SNTG2: variants seen among roughly 807,000 people sequenced by gnomAD.
SNTG2 encodes gamma-2-syntrophin.
A neutral mutation model predicts 70.9 loss-of-function variants in SNTG2; 74 were observed. That is an observed-to-expected ratio of 1.04 (90% CI 0.86 to 1.27). SNTG2 has a LOEUF of 1.27. SNTG2 is among the 50% of genes most tolerant of loss of function. The pLI, the probability that SNTG2 is intolerant of heterozygous loss-of-function variation, is 0.00. For missense variants in SNTG2, 717 were observed against 690.7 expected, an observed-to-expected ratio of 1.04 and a Z score of -0.43; for synonymous variants, 278 against 273.8, an observed-to-expected ratio of 1.02 and a Z score of -0.15.
chr2:1,218,233 T>C lies in SNTG2; in HGVS notation c.719+9003T>C, dbSNP rs28636382. 8.7e-3 allele frequency among the ~76,000 whole-genome samples: 1,330 copies of C among 152,288 alleles called. 16 individuals carry two copies. The highest frequency in any genetic ancestry group is 0.029 in the African/African-American group (1,224 of 41,560). On this transcript the variant is annotated intron_variant, in intron 9 of 16. Coordinates refer to ENST00000308624, the MANE Select transcript of SNTG2 (RefSeq NM_018968.4). ...CGTAAAGGGCCATGTGTTCAGGCTGTACCCCTGCATAAATCTCCCTAACTC... is the reference window on the plus strand; with the variant it reads ...CGTAAAGGGCCATGTGTTCAGGCTGCACCCCTGCATAAATCTCCCTAACTC...
chr2:1,257,953 G>GT (rs201548311), intron 12 of SNTG2, among the ~76,000 whole-genome samples: 11 of 152,226 alleles, frequency 7.2e-5, no homozygotes, highest in Admixed American at 2.0e-4. Flanking sequence ...TGTTTAGTGG[G>GT]TTTTTTTTCC....
intron 9 of SNTG2, among the ~76,000 whole-genome samples, chr2:1,219,583 C>T (rs1300474131): frequency 1.3e-5 from 2 of 152,070 alleles, no homozygotes; most frequent in African/African-American, 4.8e-5. Flanking sequence ...TATTTATCTG[C>T]TCACAGGAGC....
intron 8 of SNTG2, among the ~76,000 whole-genome samples, chr2:1,175,964 C>A (rs1671446773): frequency 6.6e-6 from 1 of 152,176 alleles, no homozygotes; most frequent in Non-Finnish European, 1.5e-5. Context: ...TCCTGGTTCT[C>A]CCAGCTCTCC....
At chr2:1,197,200 A>T (rs908168752) in intron 8 of SNTG2, among the ~76,000 whole-genome samples, 1 of 152,136 alleles carries the variant, frequency 6.6e-6, no homozygotes, top group African/African-American at 2.4e-5. Flanking sequence ...CAATGAAATG[A>T]CCCAATTATA....
At chr2:1,218,184 T>C (rs1164367504) in intron 9 of SNTG2, among the ~76,000 whole-genome samples, 1 of 152,092 alleles carries the variant, frequency 6.6e-6, no homozygotes, top group Non-Finnish European at 1.5e-5. Context: ...TATGACTTCC[T>C]TCACTCTGAC....
intron 12 of SNTG2, among the ~76,000 whole-genome samples, chr2:1,257,135 C>T (rs9286349): frequency 0.3 from 45,315 of 151,688 alleles, 7,526 homozygotes; most frequent in African/African-American, 0.45. Flanking sequence ...ACTGCCACAC[C>T]CATAACATCC....
intron 1 of SNTG2, among the ~76,000 whole-genome samples, chr2:962,324 G>A (rs549216885): frequency 2.0e-5 from 3 of 152,158 alleles, no homozygotes; most frequent in East Asian, 1.9e-4. Context: ...CTCCTGCCTC[G>A]GCCTCCCAAA....
At chr2:1,318,277 C>T (rs1681378285) in intron 16 of SNTG2, among the ~76,000 whole-genome samples, 1 of 152,226 alleles carries the variant, frequency 6.6e-6, no homozygotes, top group Non-Finnish European at 1.5e-5. Flanking sequence ...ATTGTCAATA[C>T]TTTGCACACA....
intron 6 of SNTG2, among the ~76,000 whole-genome samples, chr2:1,144,257 A>G (rs1343737059): frequency 1.3e-5 from 2 of 152,194 alleles, no homozygotes; most frequent in Non-Finnish European, 2.9e-5. Context: ...TTGACAACGG[A>G]CAACCCACCA....
chr2:1,318,871 G>C (rs1349045749), intron 16 of SNTG2, among the ~76,000 whole-genome samples: 2 of 152,258 alleles, frequency 1.3e-5, no homozygotes, highest in East Asian at 3.9e-4. Context: ...TGGCCATGAG[G>C]GTTTCACGCC....
intron 1 of SNTG2, among the ~76,000 whole-genome samples, chr2:1,073,525 A>T (rs562926864): frequency 8.5e-5 from 13 of 152,364 alleles, no homozygotes; most frequent in African/African-American, 3.1e-4. Flanking sequence ...TACTGTAAAC[A>T]TAACTTTTAT....
At chr2:984,453 T>G (rs1049783233) in intron 1 of SNTG2, among the ~76,000 whole-genome samples, 20 of 152,190 alleles carry the variant, frequency 1.3e-4, no homozygotes, top group African/African-American at 4.6e-4. Context: ...AAGCAGGAGC[T>G]CTGTGCTGTT....
chr2:1,339,783 G>T (rs1659991635), intron 16 of SNTG2, among the ~76,000 whole-genome samples: 1 of 152,212 alleles, frequency 6.6e-6, no homozygotes, highest in Non-Finnish European at 1.5e-5. Flanking sequence ...TTCCACTGCA[G>T]CCCAAGAGCT....
At chr2:1,098,056 T>C in intron 2 of SNTG2, 140 bp from the exon 3 acceptor site, 1 of 845,218 alleles carries the variant, frequency 1.2e-6, no homozygotes, top group Non-Finnish European at 2.0e-6. Flanking sequence ...AATAGTGTCA[T>C]TACTGTCATA....
chr2:1,047,597 C>G (rs1226316079), intron 1 of SNTG2, among the ~76,000 whole-genome samples: 1 of 152,148 alleles, frequency 6.6e-6, no homozygotes, highest in African/African-American at 2.4e-5. Flanking sequence ...TGTAGTTGAC[C>G]TCTTGCCTTT....
intron 4 of SNTG2, among the ~76,000 whole-genome samples, chr2:1,134,870 G>T (rs748244522): frequency 6.6e-6 from 1 of 152,188 alleles, no homozygotes; most frequent in Admixed American, 6.5e-5. Context: ...CCTGCCCCGC[G>T]GGGAGGCAGC....
intron 14 of SNTG2, among the ~76,000 whole-genome samples, chr2:1,281,423 G>GTT (rs1679533933): frequency 8.1e-6 from 1 of 123,458 alleles, no homozygotes; most frequent in Non-Finnish European, 1.7e-5. Flanking sequence ...GTGTGTGTGT[G>GTT]TGGTGTGGTG....
intron 16 of SNTG2, among the ~76,000 whole-genome samples, chr2:1,321,253 C>G (rs955430594): frequency 6.6e-5 from 10 of 152,184 alleles, no homozygotes; most frequent in African/African-American, 2.4e-4. Context: ...GATATTCCCA[C>G]ATATATATCC....
intron 7 of SNTG2, among the ~76,000 whole-genome samples, chr2:1,172,584 A>C (rs4335977): frequency 6.6e-6 from 1 of 152,034 alleles, no homozygotes; most frequent in Admixed American, 6.6e-5. Flanking sequence ...AGCAGGTGTA[A>C]GCTCTGGTTG....
Sources: allele counts gnomAD v4.1 joint callset (sites outside exome capture counted in the v4.1 genomes callset), GRCh38; gene constraint gnomAD v4.1.1; transcripts MANE v1.5; gene names NCBI Gene and HGNC (gene_info 2026-07-23, HGNC 2026-07-21).